FSIP1: variants seen among roughly 807,000 people sequenced by gnomAD.
The protein encoded by FSIP1 is fibrous sheath interacting protein 1, also known as fibrous sheath-interacting protein 1.
In FSIP1, 65 loss-of-function variants were observed where a neutral mutation model predicts 60.9. The ratio of observed to expected loss-of-function variants is 1.07; its 90% confidence interval spans 0.87 to 1.31. FSIP1 has a LOEUF of 1.31. Ranked by LOEUF, FSIP1 falls within the 40% of genes most tolerant of loss-of-function variation. The pLI, the probability that FSIP1 is intolerant of heterozygous loss-of-function variation, is 0.00. For missense variants in FSIP1, 675 were observed against 665.5 expected, an observed-to-expected ratio of 1.01 and a Z score of -0.16; for synonymous variants, 209 against 221.2, an observed-to-expected ratio of 0.94 and a Z score of 0.49.
At chr15:39,674,846 T>C (rs1893874171) in intron 10 of FSIP1, among the ~76,000 whole-genome samples, 1 of 152,164 alleles carries the variant, frequency 6.6e-6, no homozygotes, top group Admixed American at 6.5e-5. Flanking sequence ...TAAATTTGAC[T>C]CTTTTAAAAA....
At chr15:39,721,370 T>C (rs1452855918) in intron 9 of FSIP1, among the ~76,000 whole-genome samples, 2 of 152,250 alleles carry the variant, frequency 1.3e-5, no homozygotes, top group East Asian at 1.9e-4. Flanking sequence ...TAAAATATCA[T>C]GCCTTCATCA....
chr15:39,741,197 A>C (rs770510071), intron 6 of FSIP1, among the ~76,000 whole-genome samples: 1 of 152,254 alleles, frequency 6.6e-6, no homozygotes, highest in Non-Finnish European at 1.5e-5. Flanking sequence ...GAATGCAGCC[A>C]TGTTTACATT....
intron 10 of FSIP1, among the ~76,000 whole-genome samples, chr15:39,709,783 C>T (rs1347771708): frequency 3.9e-5 from 6 of 152,192 alleles, no homozygotes; most frequent in Non-Finnish European, 5.9e-5. Context: ...ACAGGACTCG[C>T]GCTCCTATGA....
chr15:39,714,072 G>C (rs1383061070), intron 9 of FSIP1, among the ~76,000 whole-genome samples: 1 of 152,164 alleles, frequency 6.6e-6, no homozygotes, highest in Non-Finnish European at 1.5e-5. Context: ...TGAGGGAAAT[G>C]AATTAACCTC....
intron 11 of FSIP1, among the ~76,000 whole-genome samples, chr15:39,612,312 C>G (rs1891065150): frequency 2.0e-5 from 3 of 152,112 alleles, no homozygotes; most frequent in African/African-American, 7.2e-5. Context: ...TTTCTGATCA[C>G]AGTGGCATGA....
At chr15:39,776,980 C>T (rs1482674570) in intron 1 of FSIP1, among the ~76,000 whole-genome samples, 3 of 152,116 alleles carry the variant, frequency 2.0e-5, no homozygotes, top group Non-Finnish European at 4.4e-5. Flanking sequence ...GGCTGGAGTG[C>T]AGTGTCGCGA....
rs1011691082 is a variant in FSIP1, at chr15:39,670,834, G to A, written c.1188+42610C>T. ...AGAGTCACAAACTTCTAAAGGTGTCGTAAGCACTTACGCAACATTTTTATA... is the reference window on the plus strand; with the variant it reads ...AGAGTCACAAACTTCTAAAGGTGTCATAAGCACTTACGCAACATTTTTATA... On this transcript the variant is annotated intron_variant, in intron 10 of 11. Coordinates refer to ENST00000350221, the MANE Select transcript of FSIP1 (RefSeq NM_152597.5). 4.9e-4 allele frequency among the ~76,000 whole-genome samples: 75 copies of A among 152,170 alleles called. 1 individual carries two copies. Among genetic ancestry groups the A allele is most frequent in the African/African-American group, 1.5e-3 (62 of 41,430 alleles).
chr15:39,775,260 T>A (rs993744385), intron 2 of FSIP1, among the ~76,000 whole-genome samples: 24 of 152,028 alleles, frequency 1.6e-4, no homozygotes, highest in African/African-American at 4.8e-4. Flanking sequence ...CCCTTCTGCT[T>A]GAAATACATA....
chr15:39,731,402 T>C (rs1007743938), intron 8 of FSIP1, among the ~76,000 whole-genome samples: 2 of 152,148 alleles, frequency 1.3e-5, no homozygotes, highest in South Asian at 2.1e-4. Context: ...CAATACCATA[T>C]AGCCTAAATG....
intron 10 of FSIP1, among the ~76,000 whole-genome samples, chr15:39,677,113 C>T (rs1430003584): frequency 6.6e-6 from 1 of 152,092 alleles, no homozygotes; most frequent in East Asian, 1.9e-4. Context: ...TTCCTTGTTA[C>T]AGAAATAAGG....
intron 10 of FSIP1, among the ~76,000 whole-genome samples, chr15:39,710,934 G>T (rs763964872): frequency 1.8e-4 from 27 of 152,150 alleles, no homozygotes; most frequent in Non-Finnish European, 3.8e-4. Flanking sequence ...TTTCCACTTG[G>T]ATAACAACCA....
At chr15:39,636,482 GA>G (rs1258104364) in intron 10 of FSIP1, among the ~76,000 whole-genome samples, 29 of 152,320 alleles carry the variant, frequency 1.9e-4, no homozygotes, top group Middle Eastern at 3.4e-3. Flanking sequence ...AAGGAGAACT[GA>G]CCTACCTTTG....
At chr15:39,752,661 G>A (rs1017622093) in intron 5 of FSIP1, among the ~76,000 whole-genome samples, 3 of 151,928 alleles carry the variant, frequency 2.0e-5, no homozygotes, top group Admixed American at 6.6e-5. Context: ...AATAAAAAAA[G>A]TCTGAGAAAG....
intron 9 of FSIP1, among the ~76,000 whole-genome samples, chr15:39,720,245 A>C (rs1245627189): frequency 6.6e-6 from 1 of 152,140 alleles, no homozygotes; most frequent in Non-Finnish European, 1.5e-5. Flanking sequence ...TCAAAAAAAA[A>C]TTAATTGTTG....
At chr15:39,617,039 CAG>C (rs1891256407) in intron 11 of FSIP1, among the ~76,000 whole-genome samples, 1 of 152,114 alleles carries the variant, frequency 6.6e-6, no homozygotes, top group East Asian at 1.9e-4. Flanking sequence ...TGACTCAGTT[CAG>C]AGTTAATGGA....
chr15:39,707,182 T>C (rs1193185432), intron 10 of FSIP1, among the ~76,000 whole-genome samples: 1 of 152,156 alleles, frequency 6.6e-6, no homozygotes, highest in East Asian at 1.9e-4. Flanking sequence ...TCTCCAGCTT[T>C]GGTGGACTGC....
At chr15:39,612,307 G>A (rs963919172) in intron 11 of FSIP1, among the ~76,000 whole-genome samples, 1 of 152,100 alleles carries the variant, frequency 6.6e-6, no homozygotes. Flanking sequence ...TATCTTTTCT[G>A]ATCACAGTGG....
intron 6 of FSIP1, among the ~76,000 whole-genome samples, chr15:39,740,276 T>C (rs1896760064): frequency 6.7e-6 from 1 of 150,146 alleles, no homozygotes; most frequent in East Asian, 1.9e-4. Flanking sequence ...GGAGTTAGCG[T>C]CCCATGTCCT....
intron 10 of FSIP1, among the ~76,000 whole-genome samples, chr15:39,662,215 A>G (rs1381857581): frequency 1.3e-5 from 2 of 152,106 alleles, no homozygotes; most frequent in East Asian, 3.8e-4. Context: ...CAAGCAAAAA[A>G]CTAGGCAAGT....
Sources: allele counts gnomAD v4.1 joint callset (sites outside exome capture counted in the v4.1 genomes callset), GRCh38; gene constraint gnomAD v4.1.1; transcripts MANE v1.5; gene names NCBI Gene and HGNC (gene_info 2026-07-23, HGNC 2026-07-21).